The following GABPB2 variants were observed in gnomAD, a reference collection of about 807,000 sequenced individuals.
The protein encoded by GABPB2 is GA binding protein transcription factor subunit beta 2.
Under a neutral mutation model 39.1 loss-of-function variants are expected in GABPB2, and 23 were observed. The observed-to-expected ratio is 0.59, with a 90% CI of 0.42 to 0.83. GABPB2 has a LOEUF of 0.83. Ranked by LOEUF, GABPB2 falls within the 40% of genes least tolerant of loss-of-function variation. The probability of loss-of-function intolerance (pLI) is 0.00; values close to 1 mark genes in which losing one functional copy is unlikely to be tolerated. For missense variants in GABPB2, 467 were observed against 541.1 expected, an observed-to-expected ratio of 0.86 and a Z score of 1.36; for synonymous variants, 184 against 199.3, an observed-to-expected ratio of 0.92 and a Z score of 0.65.
intron 4 of GABPB2, among the ~76,000 whole-genome samples, chr1:151,096,019 C>T (rs1450756008): frequency 8.9e-6 from 1 of 112,916 alleles, no homozygotes; most frequent in Non-Finnish European, 1.7e-5. Flanking sequence ...GCCTGGGAGA[C>T]AAGAGTGAGA....
At position 151,125,472 on chromosome 1, in the gene GABPB2, C is replaced by T. The variant is rs1018004749; in HGVS notation, c.*7216C>T. ...TGTATGTATATATACTTATACAGAT[C>T]TATATTATATATACAGTTTTTGTAC... On this transcript the variant is annotated 3_prime_UTR_variant, in exon 9 of 9. Coordinates refer to ENST00000368918, the MANE Select transcript of GABPB2 (RefSeq NM_144618.3). 3 of 151,832 alleles carry T rather than the reference C, an allele frequency of 2.0e-5. No individual in the cohort carries two copies. The highest frequency in any genetic ancestry group is 7.3e-5 in the African/African-American group (3 of 41,316). The allele number at this position is 151,832 out of a possible 1,614,324, so 9.4% of individuals were successfully genotyped here. A position where few individuals can be genotyped will look rare whatever the true frequency, so the allele number is the denominator to read the frequency against.
chr1:151,104,621 T>C (rs74127507), intron 6 of GABPB2, among the ~76,000 whole-genome samples: 4,704 of 152,256 alleles, frequency 0.031, 242 homozygotes, highest in African/African-American at 0.11. Context: ...AGGTTATCTA[T>C]CCAGGACCTT....
Position 151,093,136 on chromosome 1 carries a change from T to C in GABPB2, c.277-56T>C, listed in dbSNP as rs1173999960. On this transcript the variant is annotated intron_variant, in intron 3 of 8. Coordinates refer to ENST00000368918, the MANE Select transcript of GABPB2 (RefSeq NM_144618.3). ...ATCCTCTGTATTTGATGATGGGATGTTGCACCTGTGCTACTATAACCGCTG... is the reference window on the plus strand; with the variant it reads ...ATCCTCTGTATTTGATGATGGGATGCTGCACCTGTGCTACTATAACCGCTG... 8.2e-6 allele frequency: 11 copies of C among 1,339,832 alleles called. No individual in the cohort carries two copies. In the East Asian group the frequency reaches 2.5e-4, roughly 31 times the overall value. 83.0% of individuals were successfully genotyped at this position (1,339,832 alleles called of 1,614,324 possible).
intron 5 of GABPB2, 43 bp downstream of exon 5, chr1:151,098,045 G>T (rs369983790): frequency 6.3e-7 from 1 of 1,575,286 alleles, no homozygotes; most frequent in South Asian, 1.1e-5. Flanking sequence ...ACTCAAAAAA[G>T]AACAGAACCC....
At chr1:151,090,969 G>A (rs142196255) in intron 3 of GABPB2, among the ~76,000 whole-genome samples, 2 of 151,126 alleles carry the variant, frequency 1.3e-5, no homozygotes, top group Non-Finnish European at 2.9e-5. Context: ...CTGCACTCCA[G>A]CCTGGACAAC....
At chr1:151,108,919 A>G (rs2101552823) in intron 7 of GABPB2, among the ~76,000 whole-genome samples, 1 of 152,270 alleles carries the variant, frequency 6.6e-6, no homozygotes, top group African/African-American at 2.4e-5. Flanking sequence ...TGGCTTACAT[A>G]TGTAATCCTG....
At chr1:151,095,740 A>G (rs1679050676) in intron 4 of GABPB2, among the ~76,000 whole-genome samples, 1 of 152,148 alleles carries the variant, frequency 6.6e-6, no homozygotes, top group Admixed American at 6.6e-5. Flanking sequence ...GGCAAATTCA[A>G]GAAGGAATTT....
chr1:151,100,469 TG>T (rs1297183048), intron 5 of GABPB2, among the ~76,000 whole-genome samples: 1 of 149,610 alleles, frequency 6.7e-6, no homozygotes. Context: ...TTAGTAGAGA[TG>T]GGGTTTCACC....
chr1:151,112,684 G>A, intron 7 of GABPB2: 2 of 212,154 alleles, frequency 9.4e-6, no homozygotes, highest in Non-Finnish European at 1.0e-5. Flanking sequence ...AAGAACCCTG[G>A]CCAAATTTTT....
At chr1:151,095,783 T>C (rs996493919) in intron 4 of GABPB2, among the ~76,000 whole-genome samples, 5 of 152,076 alleles carry the variant, frequency 3.3e-5, no homozygotes, top group African/African-American at 1.2e-4. Flanking sequence ...CCTGTAATCC[T>C]AGCACTTTGG....
At position 151,103,044 on chromosome 1, in the gene GABPB2, CTTT is replaced by C. The variant is rs376522230; in HGVS notation, c.623-497_623-495del. 7.9e-5 allele frequency among the ~76,000 whole-genome samples: 7 copies of C among 88,236 alleles called. No homozygotes were observed. In the Admixed American group the frequency reaches 9.8e-4, roughly 12 times the overall value. The allele number at this position is 88,236 out of a possible 152,430, so 57.9% of individuals were successfully genotyped here. A position where few individuals can be genotyped will look rare whatever the true frequency, so the allele number is the denominator to read the frequency against. On this transcript the variant is annotated intron_variant, in intron 5 of 8. Transcript: ENST00000368918. ...ATGTAGTGGCCCTGTACAAAGTATA[CTTT>C]TTTTTTTTTTTTTTTTTTTTGAGAA...
At chr1:151,113,925 T>G (rs1434977148) in intron 7 of GABPB2, among the ~76,000 whole-genome samples, 1 of 152,186 alleles carries the variant, frequency 6.6e-6, no homozygotes, top group African/African-American at 2.4e-5. Flanking sequence ...CCCATCCAAG[T>G]TGTTGTTTGA....
Position 151,107,037 on chromosome 1 carries a change from C to T in GABPB2, c.737C>T (p.Ala246Val), listed in dbSNP as rs1436369538. 1 of 1,595,796 alleles carries T rather than the reference C, an allele frequency of 6.3e-7. No homozygotes were observed. Among genetic ancestry groups the T allele is most frequent in the Admixed American group, 1.8e-5 (1 of 55,822 alleles). ...TTAAATTTGCTTTTGTCATCTCTAG[C>T]CAATACAGAGGAAATTATAGAAGGA... The part of the protein sequence containing the change: ...VPLSNSHRAT[A>V]NTEEIIEGNS... Residue 246 changes from alanine to valine, a missense_variant and splice_region_variant, in exon 7 of 9, where the codon GCC (alanine) becomes GTC (valine). By Grantham distance (64) the Ala-to-Val change is moderately conservative. Transcript: ENST00000368918.
intron 5 of GABPB2, among the ~76,000 whole-genome samples, chr1:151,102,562 C>T (rs1679621369): frequency 6.6e-6 from 1 of 151,974 alleles, no homozygotes; most frequent in Non-Finnish European, 1.5e-5. Context: ...CTTGCCTCAG[C>T]CTCCTGAGTA....
chr1:151,105,388 A>G (rs587686947), intron 6 of GABPB2, among the ~76,000 whole-genome samples: 1 of 149,446 alleles, frequency 6.7e-6, no homozygotes, highest in Non-Finnish European at 1.5e-5. Flanking sequence ...GTGTGTATAT[A>G]TATGTATATA....
chr1:151,091,328 T>C (rs1040589969), intron 3 of GABPB2, among the ~76,000 whole-genome samples: 1 of 151,642 alleles, frequency 6.6e-6, no homozygotes, highest in African/African-American at 2.4e-5. Flanking sequence ...CCTCAGGTGA[T>C]CCACCTGCCT....
chr1:151,077,785 T>C (rs138633749), intron 1 of GABPB2, among the ~76,000 whole-genome samples: 2,955 of 150,654 alleles, frequency 0.02, 83 homozygotes, highest in African/African-American at 0.068. Flanking sequence ...ACCCTGTCTC[T>C]ACTAAAAATA....
chr1:151,106,276 A>G (rs905961826), intron 6 of GABPB2, among the ~76,000 whole-genome samples: 5 of 148,132 alleles, frequency 3.4e-5, no homozygotes, highest in Non-Finnish European at 7.5e-5. Context: ...TAGACTTTCA[A>G]GATACTTTCT....
Position 151,088,288 on chromosome 1 carries a change from C to A in GABPB2, c.99C>A (p.Thr33=). ...TGATGGCAAATGGCGCCCCATTCAC[C>A]ACAGACTGGGTAAGCTTAGAGGAGA... ...RTLMANGAPF[T]TDWLGTSPLH... is the part of the protein sequence containing the mutation. Residue 33 remains threonine, a synonymous_variant, in exon 2 of 9, where the codon ACC becomes ACA. Transcript: ENST00000368918. 6.2e-7 allele frequency: 1 copy of A among 1,612,042 alleles called. No homozygotes were observed. Among genetic ancestry groups the A allele is most frequent in the Non-Finnish European group, 8.5e-7 (1 of 1,178,502 alleles).
Sources: gnomAD v4.1 joint callset for allele counts (sites outside exome capture counted in the v4.1 genomes callset) on GRCh38, gnomAD v4.1.1 for gene constraint, MANE v1.5 for transcripts, NCBI Gene and HGNC (gene_info 2026-07-23, HGNC 2026-07-21) for gene names.